CNTNAP2: variants seen among roughly 807,000 people sequenced by gnomAD.
CNTNAP2 encodes the protein contactin associated protein 2, also known as contactin-associated protein-like 2.
A neutral mutation model predicts 155.2 loss-of-function variants in CNTNAP2; 98 were observed. The ratio of observed to expected loss-of-function variants is 0.63; its 90% CI spans 0.54 to 0.75. The LOEUF is 0.75. Among genes scored for constraint, CNTNAP2 ranks in the 30% least tolerant of loss-of-function variants. The pLI is 0.00. For synonymous variants in CNTNAP2, 651 were observed against 631.2 expected (o/e 1.03, Z -0.47); for missense variants, 1,727 against 1,688.1 (o/e 1.02, Z -0.40).
At chr7:147,029,860 C>G (rs1584793183) in intron 3 of CNTNAP2, among the ~76,000 whole-genome samples, 1 of 152,184 alleles carries the variant, frequency 6.6e-6, no homozygotes, top group African/African-American at 2.4e-5. Context: ...CTTGCTATCA[C>G]AAATAATTCT....
chr7:146,975,761 GA>G (rs1797897693), intron 3 of CNTNAP2, among the ~76,000 whole-genome samples: 1 of 152,160 alleles, frequency 6.6e-6, no homozygotes, highest in South Asian at 2.1e-4. Flanking sequence ...CACATTAGGG[GA>G]CATACACCTT....
intron 1 of CNTNAP2, among the ~76,000 whole-genome samples, chr7:146,483,846 G>C (rs935900832): frequency 1.3e-5 from 2 of 152,006 alleles, no homozygotes; most frequent in Non-Finnish European, 2.9e-5. Flanking sequence ...GTAAGCTAAG[G>C]TTAGTTGGAT....
intron 1 of CNTNAP2, among the ~76,000 whole-genome samples, chr7:146,346,472 A>G (rs550318350): frequency 9.2e-4 from 140 of 152,314 alleles, no homozygotes; most frequent in African/African-American, 3.3e-3. Flanking sequence ...ATTTGAGGTC[A>G]GGAGTTCAAA....
chr7:148,345,149 G>C (rs955624792), intron 21 of CNTNAP2, among the ~76,000 whole-genome samples: 1 of 152,172 alleles, frequency 6.6e-6, no homozygotes, highest in African/African-American at 2.4e-5. Context: ...GACTTAGGGA[G>C]GTGGGGACCC....
Position 148,409,469 on chromosome 7 carries a change from G to A in CNTNAP2, c.3794G>A (p.Gly1265Glu). Residue 1265 changes from glycine to glutamate, a missense_variant and splice_region_variant, in exon 23 of 24, where the codon GGA becomes GAA. By Grantham distance (98) the Gly-to-Glu change is moderately conservative (BLOSUM62 -2). Transcript: ENST00000361727. ...NGVNRNSAII[G>E]GVIAVVIFTI... ...GTCAACAGAAACTCGGCTATCATTGGAGGTAGGTGATGTCTAGAGGAGGCT... is the reference window on the plus strand; with the variant it reads ...GTCAACAGAAACTCGGCTATCATTGAAGGTAGGTGATGTCTAGAGGAGGCT... The A allele has an allele frequency of 1.2e-6, 2 of 1,613,712 alleles. No individual in the cohort carries two copies. The highest frequency in any genetic ancestry group is 1.7e-6 in the Non-Finnish European group (2 of 1,179,638).
intron 1 of CNTNAP2, among the ~76,000 whole-genome samples, chr7:146,374,386 T>C (rs1197564429): frequency 6.6e-6 from 1 of 152,188 alleles, no homozygotes; most frequent in Admixed American, 6.6e-5. Flanking sequence ...TGTATATCCT[T>C]GCTGTTAAAA....
chr7:146,797,900 G>T (rs1180189932), intron 2 of CNTNAP2, among the ~76,000 whole-genome samples: 2 of 152,156 alleles, frequency 1.3e-5, no homozygotes, highest in Non-Finnish European at 2.9e-5. Flanking sequence ...TTTGTTACAT[G>T]AATTATCACA....
chr7:148,138,447 C>T (rs1308231887), intron 16 of CNTNAP2, among the ~76,000 whole-genome samples: 1 of 152,208 alleles, frequency 6.6e-6, no homozygotes, highest in Non-Finnish European at 1.5e-5. Context: ...TTTTGATGAA[C>T]TGGCTCTCTC....
At chr7:146,516,529 A>G (rs762423950) in intron 1 of CNTNAP2, among the ~76,000 whole-genome samples, 6 of 152,010 alleles carry the variant, frequency 3.9e-5, no homozygotes, top group Non-Finnish European at 7.4e-5. Flanking sequence ...TTGAATTTTC[A>G]TATGTTATAG....
chr7:147,368,022 TC>T (rs1301863237), intron 9 of CNTNAP2, among the ~76,000 whole-genome samples: 7 of 26,814 alleles, frequency 2.6e-4, no homozygotes, highest in African/African-American at 8.1e-4. Context: ...CTCCCCCCCC[TC>T]CCCCTCCTCC....
At chr7:147,429,262 A>T (rs1219938618) in intron 10 of CNTNAP2, among the ~76,000 whole-genome samples, 1 of 151,456 alleles carries the variant, frequency 6.6e-6, no homozygotes, top group Non-Finnish European at 1.5e-5. Flanking sequence ...TGATTTTTTT[A>T]AATTATGGCC....
At chr7:146,986,324 C>T (rs1798113960) in intron 3 of CNTNAP2, among the ~76,000 whole-genome samples, 1 of 152,170 alleles carries the variant, frequency 6.6e-6, no homozygotes, top group Admixed American at 6.5e-5. Flanking sequence ...GCTGTGAATG[C>T]CATTAATTCA....
At chr7:148,392,868 C>T (rs1376012225) in intron 22 of CNTNAP2, among the ~76,000 whole-genome samples, 1 of 152,134 alleles carries the variant, frequency 6.6e-6, no homozygotes, top group Non-Finnish European at 1.5e-5. Context: ...CTCAGTGTAA[C>T]AACCCCATAC....
chr7:146,749,695 G>A (rs1801870727), intron 1 of CNTNAP2, among the ~76,000 whole-genome samples: 1 of 152,122 alleles, frequency 6.6e-6, no homozygotes, highest in African/African-American at 2.4e-5. Flanking sequence ...AGAGGAAAAT[G>A]TGAATGAAAA....
intron 15 of CNTNAP2, among the ~76,000 whole-genome samples, chr7:148,098,255 C>T (rs1804014026): frequency 6.6e-6 from 1 of 151,494 alleles, no homozygotes; most frequent in African/African-American, 2.4e-5. Context: ...ACCATCCTGG[C>T]AAACATGGTG....
At chr7:148,100,171 C>T (rs183339548) in intron 15 of CNTNAP2, among the ~76,000 whole-genome samples, 16 of 151,964 alleles carry the variant, frequency 1.1e-4, no homozygotes, top group African/African-American at 3.6e-4. Flanking sequence ...CGCCCGGCCA[C>T]GCTCCTCCCT....
intron 1 of CNTNAP2, among the ~76,000 whole-genome samples, chr7:146,267,845 A>T (rs1800019442): frequency 6.6e-6 from 1 of 152,182 alleles, no homozygotes; most frequent in Non-Finnish European, 1.5e-5. Flanking sequence ...TTTTCTATAG[A>T]TATAAAAATT....
chr7:146,804,174 G>A (rs1802927957), intron 2 of CNTNAP2, among the ~76,000 whole-genome samples: 1 of 152,086 alleles, frequency 6.6e-6, no homozygotes, highest in Non-Finnish European at 1.5e-5. Context: ...CAGAAGATAA[G>A]ATGCTCCCCT....
chr7:147,820,113 A>T (rs1176373281), intron 13 of CNTNAP2, among the ~76,000 whole-genome samples: 1 of 152,158 alleles, frequency 6.6e-6, no homozygotes, highest in Non-Finnish European at 1.5e-5. Flanking sequence ...CATATCCACC[A>T]GCAAAATAAT....
Sources: allele counts gnomAD v4.1 joint callset (sites outside exome capture counted in the v4.1 genomes callset), GRCh38; gene constraint gnomAD v4.1.1; transcripts MANE v1.5; gene names NCBI Gene and HGNC (gene_info 2026-07-23, HGNC 2026-07-21).